The following SYTL2 variants were observed in gnomAD, a reference collection of about 807,000 sequenced individuals.
SYTL2 encodes synaptotagmin-like protein 2.
In SYTL2, 165 loss-of-function variants were observed where a neutral mutation model predicts 198.7. The ratio of observed to expected loss-of-function variants is 0.83; its 90% CI spans 0.73 to 0.94. The LOEUF is 0.94. Ranked by LOEUF, SYTL2 falls within the 40% of genes least tolerant of loss-of-function variation. The probability of loss-of-function intolerance (pLI) is 0.00; values close to 1 mark genes in which losing one functional copy is unlikely to be tolerated. For synonymous variants in SYTL2, 966 were observed against 917.7 expected, an observed-to-expected ratio of 1.05 and a Z score of -0.95; for missense variants, 2,835 against 2,582.8, an observed-to-expected ratio of 1.10 and a Z score of -2.12.
intron 1 of SYTL2, among the ~76,000 whole-genome samples, chr11:85,779,201 G>A (rs1456576442): frequency 6.6e-6 from 1 of 151,908 alleles, no homozygotes; most frequent in Non-Finnish European, 1.5e-5. Context: ...GATAAAACCA[G>A]GATCCTCATC....
rs201964260 is a variant in SYTL2 at position 85,726,547 on chromosome 11, G to A, written c.2811C>T (p.Val937=). 460 of 1,598,734 alleles carry A rather than the reference G, an allele frequency of 2.9e-4. No homozygotes were observed. Among genetic ancestry groups the A allele is most frequent in the East Asian group, 4.5e-4 (20 of 44,844 alleles). ...TLPALQPPSN[V]GSERHAPLEK... is the part of the protein sequence containing the mutation. ...CCAATGGAGCATGTCGTTCACTCCCGACATTTGAGGGAGGTTGCAGTGCTG... is the reference window on the plus strand; with the variant it reads ...CCAATGGAGCATGTCGTTCACTCCCAACATTTGAGGGAGGTTGCAGTGCTG... Residue 937 remains valine (V), a synonymous_variant, in exon 8 of 20, where the codon GTC becomes GTT. Transcript: ENST00000359152.
the SYTL2 span, among the ~76,000 whole-genome samples, chr11:85,845,671 G>A: frequency 6.6e-6 from 1 of 152,268 alleles, no homozygotes; most frequent in East Asian, 1.9e-4. Flanking sequence ...CACTTTGGGA[G>A]GCCGAGGTGG....
At chr11:85,719,477 G>T in intron 9 of SYTL2, 1 of 286,994 alleles carries the variant, frequency 3.5e-6, no homozygotes, top group Non-Finnish European at 5.3e-6. Context: ...CAGGCAAGAG[G>T]TTTGCTAAAT....
intron 1 of SYTL2, among the ~76,000 whole-genome samples, chr11:85,800,006 T>C (rs537116004): frequency 9.8e-5 from 15 of 152,366 alleles, no homozygotes; most frequent in African/African-American, 3.4e-4. Flanking sequence ...AGAGATTTTC[T>C]GTAAAGATCA....
the SYTL2 span, chr11:85,854,047 C>T: frequency 2.0e-5 from 3 of 151,906 alleles, no homozygotes; most frequent in Admixed American, 6.6e-5. Flanking sequence ...ATGTTGCCTA[C>T]GCTGGTCTCA....
chr11:85,814,848 G>A (rs1319338428), upstream of SYTL2, among the ~76,000 whole-genome samples: 1 of 152,110 alleles, frequency 6.6e-6, no homozygotes, highest in East Asian at 1.9e-4. Context: ...TATGCATCAA[G>A]GCCTAGGACA....
At chr11:85,709,521 T>C (rs1427202584) in intron 13 of SYTL2, 21 bp from the exon 14 acceptor site, 8 of 1,609,870 alleles carry the variant, frequency 5.0e-6, no homozygotes, top group Middle Eastern at 1.8e-4. Flanking sequence ...CAGAAATACA[T>C]AGTGTTTGTC....
chr11:85,794,178 A>AT (rs933533140), intron 1 of SYTL2, among the ~76,000 whole-genome samples: 17 of 150,886 alleles, frequency 1.1e-4, no homozygotes, highest in East Asian at 5.8e-4. Context: ...CCAGATTTAA[A>AT]TTTTTTTTTC....
At chr11:85,712,413 G>A (rs1334499118) in intron 12 of SYTL2, among the ~76,000 whole-genome samples, 1 of 152,116 alleles carries the variant, frequency 6.6e-6, no homozygotes, top group Non-Finnish European at 1.5e-5. Flanking sequence ...TGTTGATCTG[G>A]AATGGTGTTT....
intron 15 of SYTL2, 69 bp from the exon 16 acceptor site, chr11:85,705,097 G>A: frequency 7.7e-7 from 1 of 1,292,754 alleles, no homozygotes. Flanking sequence ...ACACAGAGAT[G>A]AAGAGAAATT....
intron 1 of SYTL2, among the ~76,000 whole-genome samples, chr11:85,766,523 T>C (rs2092243925): frequency 6.6e-6 from 1 of 152,160 alleles, no homozygotes; most frequent in South Asian, 2.1e-4. Context: ...AAAGCCACCA[T>C]ATCCATGGGC....
intron 6 of SYTL2, among the ~76,000 whole-genome samples, chr11:85,735,851 G>A (rs910632412): frequency 6.6e-6 from 1 of 152,046 alleles, no homozygotes; most frequent in African/African-American, 2.4e-5. Context: ...CGTGCCCAGT[G>A]GAAAGTATTT....
chr11:85,845,027 C>G, the SYTL2 span, among the ~76,000 whole-genome samples: 5 of 152,166 alleles, frequency 3.3e-5, no homozygotes, highest in African/African-American at 1.2e-4. Flanking sequence ...GTTTGCAATG[C>G]CCTCTGTCCC....
chr11:85,714,422 G>A lies in SYTL2; in HGVS notation c.5616C>T (p.Leu1872=). Reference sequence around the variant, plus strand: ...CAAAAGACAAACTTGCCTCATCTTGGAGAAATGCTGGAACAGACTTGCTCA... The same window carrying A: ...CAAAAGACAAACTTGCCTCATCTTGAAGAAATGCTGGAACAGACTTGCTCA... ...KRMSKSVPAF[L]QDESDDRETD... is the part of the protein sequence containing the mutation. The change falls in exon 12 of 20, where the codon CTC becomes CTT. Residue 1872 remains leucine (L), a synonymous_variant. Transcript: ENST00000359152. The A allele has an allele frequency of 6.2e-7, 1 of 1,612,922 alleles. No individual in the cohort carries two copies.
chr11:85,741,646 C>G (rs1006575610), intron 4 of SYTL2, among the ~76,000 whole-genome samples: 1 of 152,200 alleles, frequency 6.6e-6, no homozygotes, highest in South Asian at 2.1e-4. Context: ...ATTGGCTCAT[C>G]TCTACCCTGC....
intron 1 of SYTL2, among the ~76,000 whole-genome samples, chr11:85,765,524 C>T (rs576395719): frequency 9.2e-5 from 14 of 152,290 alleles, no homozygotes; most frequent in Non-Finnish European, 1.5e-4. Context: ...CGTGAGCCAC[C>T]GCGCCTGGCA....
intron 11 of SYTL2, among the ~76,000 whole-genome samples, chr11:85,715,429 G>T (rs770140879): frequency 1.3e-5 from 2 of 151,962 alleles, no homozygotes; most frequent in African/African-American, 4.8e-5. Context: ...ATATGATAAA[G>T]AATCTTAAAT....
chr11:85,853,000 A>C, the SYTL2 span: 113 of 312,392 alleles, frequency 3.6e-4, no homozygotes, highest in East Asian at 0.017. Context: ...CCGTCTGAGA[A>C]GTGAGGAGCC....
At chr11:85,804,942 T>G (rs1032676333) in intron 1 of SYTL2, among the ~76,000 whole-genome samples, 2 of 152,218 alleles carry the variant, frequency 1.3e-5, no homozygotes, top group African/African-American at 4.8e-5. Flanking sequence ...TCGTGAGTCC[T>G]TGGCTGGTAA....
Sources: gnomAD v4.1 joint callset for allele counts (sites outside exome capture counted in the v4.1 genomes callset) on GRCh38, gnomAD v4.1.1 for gene constraint, MANE v1.5 for transcripts, NCBI Gene and HGNC (gene_info 2026-07-23, HGNC 2026-07-21) for gene names.